Variants in PPFIA1 observed in about 807,000 individuals in gnomAD.
The protein encoded by PPFIA1 is liprin-alpha-1.
In PPFIA1, 25 loss-of-function variants were observed where a neutral mutation model predicts 149.9. That is an observed-to-expected ratio of 0.17 (90% CI 0.12 to 0.23). PPFIA1 has a LOEUF of 0.23. Ranked by LOEUF, PPFIA1 falls within the 10% of genes least tolerant of loss-of-function variation. PPFIA1 has a pLI of 1.00. For synonymous variants in PPFIA1, 549 were observed against 552.8 expected (o/e 0.99, Z 0.10); for missense variants, 1,362 against 1,506.5 (o/e 0.90, Z 1.59).
At chr11:70,322,988 T>G (rs764495860) in intron 2 of PPFIA1, among the ~76,000 whole-genome samples, 2 of 152,194 alleles carry the variant, frequency 1.3e-5, no homozygotes, top group Admixed American at 6.5e-5. Context: ...CTGGGATAAT[T>G]AGAAACCAAT....
At position 70,372,478 on chromosome 11, in the gene PPFIA1, A is replaced by G. The variant is rs1199017285; in HGVS notation, c.3043A>G (p.Asn1015Asp). 1 of 1,613,862 alleles carries G rather than the reference A, an allele frequency of 6.2e-7. No homozygotes were observed. Among genetic ancestry groups the G allele is most frequent in the East Asian group, 2.2e-5 (1 of 44,886 alleles). ...QLKMVDSFHR[N>D]SFQCGIMCLR... Reference sequence around the variant, plus strand: ...TCATCTCTCTTTTCTTCCAAATAGAAACAGTTTCCAGTGTGGAATTATGTG... The same window carrying G: ...TCATCTCTCTTTTCTTCCAAATAGAGACAGTTTCCAGTGTGGAATTATGTG... Residue 1015 changes from asparagine to aspartate, a missense_variant and splice_region_variant, in exon 23 of 28, where the codon AAC becomes GAC. Physicochemically the swap from Asn to Asp is conservative, Grantham distance 23. Transcript: ENST00000253925.
chr11:70,359,516 G>A (rs114739420), intron 19 of PPFIA1, among the ~76,000 whole-genome samples: 99 of 152,246 alleles, frequency 6.5e-4, no homozygotes, highest in African/African-American at 2.4e-3. Context: ...CACCCAGGTA[G>A]CAACTGTACC....
chr11:70,367,392 A>T, intron 21 of PPFIA1: 1 of 390,656 alleles, frequency 2.6e-6, no homozygotes, highest in Non-Finnish European at 5.1e-6. Flanking sequence ...ACCTCATTTA[A>T]CAAAATTAGT....
intron 2 of PPFIA1, among the ~76,000 whole-genome samples, chr11:70,277,060 A>AT (rs1555076271): frequency 0.3 from 19,914 of 65,892 alleles, 3,720 homozygotes; most frequent in East Asian, 0.61. Flanking sequence ...ATATATATAT[A>AT]TTTTTTTTTT....
chr11:70,279,588 T>G (rs544638888), intron 2 of PPFIA1, among the ~76,000 whole-genome samples: 88 of 152,160 alleles, frequency 5.8e-4, no homozygotes, highest in African/African-American at 2.1e-3. Context: ...TTTTTTTTTT[T>G]TTTGAGATGG....
chr11:70,350,896 A>T, intron 16 of PPFIA1: 1 of 572,542 alleles, frequency 1.7e-6, no homozygotes, highest in Non-Finnish European at 2.3e-6. Flanking sequence ...TGTCATTTCT[A>T]TTTTAATATA....
chr11:70,297,515 T>A (rs1234791877), intron 2 of PPFIA1, among the ~76,000 whole-genome samples: 1 of 152,188 alleles, frequency 6.6e-6, no homozygotes, highest in Non-Finnish European at 1.5e-5. Flanking sequence ...GTGGGTGTAT[T>A]GTCTGAAGGG....
chr11:70,302,382 A>G (rs900940920), intron 2 of PPFIA1, among the ~76,000 whole-genome samples: 13 of 152,284 alleles, frequency 8.5e-5, no homozygotes, highest in African/African-American at 2.6e-4. Flanking sequence ...GCTCACAGGA[A>G]GGTGGCTATC....
intron 24 of PPFIA1, 109 bp downstream of exon 24, chr11:70,375,202 A>AAAAAC: frequency 2.9e-6 from 1 of 346,734 alleles, no homozygotes; most frequent in Non-Finnish European, 4.2e-6. Context: ...AAAAAAAAAA[A>AAAAAC]CTTCAGACAA....
chr11:70,382,949 G>A (rs1375337269), intron 27 of PPFIA1, 54 bp from the exon 28 acceptor site: 4 of 361,848 alleles, frequency 1.1e-5, no homozygotes, highest in East Asian at 1.3e-4. Context: ...GTTCCCGTTC[G>A]TCAGTATGGC....
intron 27 of PPFIA1, among the ~76,000 whole-genome samples, chr11:70,382,484 G>A (rs1315023288): frequency 2.6e-5 from 4 of 152,104 alleles, no homozygotes; most frequent in South Asian, 4.1e-4. Context: ...GGCAGAGAGC[G>A]TCAGGGGAGA....
At chr11:70,289,144 G>C (rs1380837886) in intron 2 of PPFIA1, among the ~76,000 whole-genome samples, 4 of 147,434 alleles carry the variant, frequency 2.7e-5, no homozygotes, top group Non-Finnish European at 6.0e-5. Context: ...ATTTTTTTTT[G>C]TATTTTTAGT....
intron 21 of PPFIA1, chr11:70,364,720 C>T (rs1345450876): frequency 6.6e-6 from 1 of 152,184 alleles, no homozygotes; most frequent in Non-Finnish European, 1.5e-5. Flanking sequence ...ATGACAGTGG[C>T]CTTGCTGAAA....
At chr11:70,358,338 C>T (rs2056457633) in intron 19 of PPFIA1, 1 of 152,220 alleles carries the variant, frequency 6.6e-6, no homozygotes, top group Non-Finnish European at 1.5e-5. Context: ...TCTCCTGCCT[C>T]AGCCTCCCAG....
chr11:70,339,234 C>T lies in PPFIA1; in HGVS notation c.1635C>T (p.Ser545=). The T allele has an allele frequency of 6.2e-7, 1 of 1,614,216 alleles. No homozygotes were observed. Among genetic ancestry groups the T allele is most frequent in the Non-Finnish European group, 8.5e-7 (1 of 1,180,028 alleles). The change falls in exon 14 of 28, where the codon TCC becomes TCT. Residue 545 remains serine, a synonymous_variant. Coordinates refer to ENST00000253925, the MANE Select transcript of PPFIA1 (RefSeq NM_003626.5). ...RFPMADGHTD[S]YSTSAVLRRP... ...CCATGGCAGACGGCCACACAGACTC[C>T]TACAGCACCAGTGCAGTGCTGCGGC...
chr11:70,300,521 A>G (rs1035282692), intron 2 of PPFIA1, among the ~76,000 whole-genome samples: 4 of 146,214 alleles, frequency 2.7e-5, no homozygotes, highest in Non-Finnish European at 6.0e-5. Flanking sequence ...AGCATGTGCC[A>G]CCATGCCCAC....
intron 14 of PPFIA1, among the ~76,000 whole-genome samples, chr11:70,342,928 T>C (rs985493169): frequency 6.9e-6 from 1 of 143,968 alleles, no homozygotes; most frequent in Admixed American, 6.9e-5. Flanking sequence ...TATTTTGAAA[T>C]GTACCACCTT....
intron 7 of PPFIA1, 172 bp downstream of exon 7, chr11:70,326,990 A>G: frequency 1.6e-6 from 1 of 610,556 alleles, no homozygotes. Context: ...GCCATAAGCT[A>G]CCTCCCCATT....
intron 2 of PPFIA1, among the ~76,000 whole-genome samples, chr11:70,307,029 T>G (rs1002892016): frequency 1.3e-5 from 2 of 152,182 alleles, no homozygotes; most frequent in African/African-American, 2.4e-5. Context: ...TGGAGATTCC[T>G]GTATGATAGG....
Sources: gnomAD v4.1 joint callset for allele counts (sites outside exome capture counted in the v4.1 genomes callset) on GRCh38, gnomAD v4.1.1 for gene constraint, MANE v1.5 for transcripts, NCBI Gene and HGNC (gene_info 2026-07-23, HGNC 2026-07-21) for gene names.